The following SLC75A1 variants were observed in gnomAD, a reference collection of about 807,000 sequenced individuals.
The protein encoded by SLC75A1 is solute carrier family 75 member 1.
chr4:2,933,872 G>C, the SLC75A1 span: 19 of 1,583,502 alleles, frequency 1.2e-5, 1 homozygote, highest in Non-Finnish European at 1.5e-5. Context: ...TCCGGCGGCT[G>C]CTGGTGGATG....
At chr4:2,933,717 G>A in the SLC75A1 span, 1 of 1,608,144 alleles carries the variant, frequency 6.2e-7, no homozygotes, top group Non-Finnish European at 8.5e-7. Flanking sequence ...GGCCTGGGGG[G>A]CAGGGGGCAC....
At chr4:2,932,782 G>A in the SLC75A1 span, 1 of 1,535,996 alleles carries the variant, frequency 6.5e-7, no homozygotes, top group Non-Finnish European at 8.7e-7. Context: ...GGGGCCAAGA[G>A]GCAGGGGCGG....
chr4:2,932,914 G>C, the SLC75A1 span: 2 of 1,102,406 alleles, frequency 1.8e-6, no homozygotes, highest in Non-Finnish European at 2.5e-6. Flanking sequence ...TAGGGGCCAG[G>C]AGCAGCTCCT....
chr4:2,931,780 C>A, the SLC75A1 span: 7 of 1,550,258 alleles, frequency 4.5e-6, no homozygotes, highest in East Asian at 9.3e-5. Context: ...GAAGCAGGGG[C>A]GTTATTTCAG....
the SLC75A1 span, chr4:2,931,457 C>T: frequency 3.2e-6 from 5 of 1,570,622 alleles, no homozygotes; most frequent in South Asian, 3.5e-5. Flanking sequence ...GCACCAGCAG[C>T]AGGAGGGCCT....
chr4:2,930,742 C>T, the SLC75A1 span: 4 of 1,412,690 alleles, frequency 2.8e-6, no homozygotes, highest in South Asian at 2.7e-5. Flanking sequence ...ACAGGGTCTC[C>T]CTGGACTGGC....
the SLC75A1 span, chr4:2,932,309 C>T: frequency 6.3e-7 from 1 of 1,589,404 alleles, no homozygotes; most frequent in Non-Finnish European, 8.6e-7. Context: ...TGGAATCAAG[C>T]CTCCAGCCCC....
chr4:2,932,581 G>A, the SLC75A1 span: 1,290,469 of 1,612,696 alleles, frequency 0.8, 519,084 homozygotes, highest in Middle Eastern at 0.85. Context: ...GACCCCAAAG[G>A]CCCAGCCTGT....
chr4:2,933,523 A>G, the SLC75A1 span: 3 of 1,598,808 alleles, frequency 1.9e-6, no homozygotes, highest in Admixed American at 3.3e-5. Flanking sequence ...TCCACCAAAC[A>G]TAGGACCGTA....
chr4:2,931,877 C>T, the SLC75A1 span: 68 of 1,611,158 alleles, frequency 4.2e-5, no homozygotes, highest in South Asian at 7.1e-4. Context: ...TACTCCAGGC[C>T]CGAGAACAGG....
the SLC75A1 span, chr4:2,934,098 C>T: frequency 1.4e-6 from 1 of 690,802 alleles, no homozygotes; most frequent in African/African-American, 1.8e-5. Flanking sequence ...TGCGCGATGC[C>T]CCCGCCCCGA....
At chr4:2,931,276 T>G in the SLC75A1 span, 1 of 1,554,730 alleles carries the variant, frequency 6.4e-7, no homozygotes, top group Non-Finnish European at 8.7e-7. Flanking sequence ...CGGCGGCGGC[T>G]GGTGGGAGAC....
the SLC75A1 span, chr4:2,933,853 A>G: frequency 6.3e-7 from 1 of 1,587,934 alleles, no homozygotes. Context: ...AACGGTGACC[A>G]CGCGGCGCTC....
the SLC75A1 span, chr4:2,931,909 A>G: frequency 2.3e-5 from 37 of 1,610,952 alleles, 1 homozygote; most frequent in Non-Finnish European, 3.1e-5. Flanking sequence ...GAAGTAGACT[A>G]GGCCCAGGCG....
chr4:2,930,939 C>CGGCCAGCCAGTACACTGCGGAGCCCA, the SLC75A1 span: 2 of 1,613,000 alleles, frequency 1.2e-6, no homozygotes, highest in South Asian at 2.2e-5. Flanking sequence ...GCCTGGGCCC[C>CGGCCAGCCAGTACACTGCGGAGCCCA]GGCCAGCCAG....
the SLC75A1 span, chr4:2,931,547 C>A: frequency 6.2e-7 from 1 of 1,609,384 alleles, no homozygotes; most frequent in Non-Finnish European, 8.5e-7. Flanking sequence ...TTGGAGGGAG[C>A]CCCCTACCCG....
chr4:2,932,774 G>A, the SLC75A1 span: 2 of 1,542,324 alleles, frequency 1.3e-6, no homozygotes, highest in East Asian at 2.2e-5. Context: ...CAGGGGCAGG[G>A]GCCAAGAGGC....
At chr4:2,931,351 C>T in the SLC75A1 span, 113 of 1,544,918 alleles carry the variant, frequency 7.3e-5, no homozygotes, top group African/African-American at 1.3e-3. Flanking sequence ...CCATCGGATC[C>T]CCTGCCAGGG....
At chr4:2,931,641 A>G in the SLC75A1 span, 3 of 1,613,394 alleles carry the variant, frequency 1.9e-6, no homozygotes, top group African/African-American at 2.7e-5. Flanking sequence ...CCGATGAGGA[A>G]AAACATCTTC....
Sources: allele counts gnomAD v4.1 joint callset, GRCh38; gene constraint gnomAD v4.1.1; transcripts MANE v1.5; gene names NCBI Gene and HGNC (gene_info 2026-07-23, HGNC 2026-07-21).